Variants in CNIH3 observed in about 807,000 individuals in gnomAD.
The protein encoded by CNIH3 is protein cornichon homolog 3.
CNIH3 carries 14 observed loss-of-function variants against 24.1 expected under a neutral mutation model. The observed-to-expected ratio is 0.58, with a 90% CI of 0.38 to 0.91. The LOEUF (loss-of-function observed/expected upper bound fraction) is 0.91. Ranked by LOEUF, CNIH3 falls within the 40% of genes least tolerant of loss-of-function variation. The pLI is 0.00. For synonymous variants in CNIH3, 68 were observed against 73.8 expected, an observed-to-expected ratio of 0.92 and a Z score of 0.40; for missense variants, 178 against 196.8, an observed-to-expected ratio of 0.90 and a Z score of 0.57.
At chr1:224,530,045 C>G (rs1679003411) in intron 2 of CNIH3, among the ~76,000 whole-genome samples, 1 of 152,164 alleles carries the variant, frequency 6.6e-6, no homozygotes, top group Non-Finnish European at 1.5e-5. Context: ...TTACATCATG[C>G]TGTGGAGGCA....
In CNIH3 at chr1:224,471,374, T is replaced by C. The variant is rs561179954; in HGVS notation, n.203+36512T>C. The stretch of plus-strand genomic sequence containing the variant: ...ATTCATTCTATTTTTTTGTACCCAT[T>C]AACCATCCCCTCTTCCTCCCCACTC... On this transcript the variant is annotated intron_variant and non_coding_transcript_variant, in intron 1 of 5. Coordinates refer to the CNIH3 transcript ENST00000471578. Among the ~76,000 whole-genome samples, 31 of 152,190 alleles carry C rather than the reference T, an allele frequency of 2.0e-4. No individual in the cohort carries two copies. The South Asian group carries it at 6.4e-3, about 32-fold the overall frequency.
chr1:224,620,367 C>T (rs960204362), intron 1 of CNIH3, among the ~76,000 whole-genome samples: 1 of 152,330 alleles, frequency 6.6e-6, no homozygotes, highest in East Asian at 1.9e-4. Flanking sequence ...TGAGCTAGGT[C>T]TGTGAGACTC....
At chr1:224,718,784 T>G (rs1385191903) in intron 3 of CNIH3, among the ~76,000 whole-genome samples, 1 of 152,110 alleles carries the variant, frequency 6.6e-6, no homozygotes, top group Non-Finnish European at 1.5e-5. Context: ...CGTGGCAGTT[T>G]GTCATAGTGA....
At position 224,625,913 on chromosome 1, in the gene CNIH3, C is replaced by T. The variant is rs184734775; in HGVS notation, c.81+8658C>T. Among the ~76,000 whole-genome samples the T allele has an allele frequency of 1.2e-4, 18 of 152,030 alleles. No individual in the cohort carries two copies. The South Asian group carries it at 1.7e-3, about 14-fold the overall frequency. ...ATGTTGATTTTGTGCTTCAAGATAG[C>T]GATCCCACTGCTATCTTGTAATACC... is the stretch of plus-strand genomic sequence containing the variant. On this transcript the variant is annotated intron_variant, in intron 1 of 5. Transcript: ENST00000272133.
intron 2 of CNIH3, among the ~76,000 whole-genome samples, chr1:224,681,583 C>A (rs1377747585): frequency 6.6e-6 from 1 of 152,154 alleles, no homozygotes; most frequent in Non-Finnish European, 1.5e-5. Context: ...TGAAAGGTCA[C>A]CTGCCCCAGC....
intron 1 of CNIH3, among the ~76,000 whole-genome samples, chr1:224,442,111 T>G (rs1271648362): frequency 6.9e-6 from 1 of 145,640 alleles, no homozygotes; most frequent in African/African-American, 2.6e-5. Context: ...CACCTTGAGG[T>G]GGGCTCAAGC....
chr1:224,508,373 C>T (rs183256834), intron 1 of CNIH3, among the ~76,000 whole-genome samples: 8 of 152,278 alleles, frequency 5.3e-5, no homozygotes, highest in African/African-American at 7.2e-5. Context: ...CAGAAATATT[C>T]GGACTAGCAC....
At chr1:224,495,018 A>G (rs1677377182) in intron 1 of CNIH3, among the ~76,000 whole-genome samples, 2 of 152,140 alleles carry the variant, frequency 1.3e-5, no homozygotes, top group Non-Finnish European at 2.9e-5. Context: ...ATACACACAC[A>G]TGTACTCATA....
intron 1 of CNIH3, among the ~76,000 whole-genome samples, chr1:224,506,496 T>A (rs1161444967): frequency 6.6e-6 from 1 of 152,194 alleles, no homozygotes; most frequent in Non-Finnish European, 1.5e-5. Flanking sequence ...CAGTCCCCGC[T>A]GCTCAGTGGA....
intron 3 of CNIH3, among the ~76,000 whole-genome samples, chr1:224,700,330 A>T (rs990653763): frequency 2.0e-5 from 3 of 152,150 alleles, no homozygotes; most frequent in African/African-American, 7.2e-5. Flanking sequence ...CCAAATACTT[A>T]CTGTCCCATT....
At chr1:224,510,163 T>C (rs903553444) in intron 1 of CNIH3, among the ~76,000 whole-genome samples, 3 of 152,126 alleles carry the variant, frequency 2.0e-5, no homozygotes, top group Admixed American at 2.0e-4. Flanking sequence ...GGGAAGTCTA[T>C]GGATGTTCCC....
chr1:224,654,315 G>T (rs1197469429), intron 1 of CNIH3, among the ~76,000 whole-genome samples: 1 of 152,140 alleles, frequency 6.6e-6, no homozygotes, highest in Non-Finnish European at 1.5e-5. Flanking sequence ...CCCGGGGGTG[G>T]AGGTTGCAGT....
downstream of CNIH3, among the ~76,000 whole-genome samples, chr1:224,590,075 C>G (rs1226519875): frequency 5.9e-5 from 9 of 152,110 alleles, no homozygotes; most frequent in Admixed American, 2.6e-4. Flanking sequence ...TGGGGTTTCA[C>G]TATGTTGGCC....
chr1:224,521,711 G>A (rs1388403864), intron 2 of CNIH3, among the ~76,000 whole-genome samples: 1 of 152,198 alleles, frequency 6.6e-6, no homozygotes, highest in African/African-American at 2.4e-5. Context: ...ACACAAAGGG[G>A]TGGTAGAGGG....
chr1:224,659,170 G>T (rs1344847885), intron 1 of CNIH3, among the ~76,000 whole-genome samples: 1 of 152,184 alleles, frequency 6.6e-6, no homozygotes, highest in Non-Finnish European at 1.5e-5. Flanking sequence ...TCTCATGAAA[G>T]CAGTTTGTTT....
At chr1:224,629,380 T>C (rs1265755885) in intron 1 of CNIH3, among the ~76,000 whole-genome samples, 1 of 152,150 alleles carries the variant, frequency 6.6e-6, no homozygotes, top group Non-Finnish European at 1.5e-5. Flanking sequence ...AGTTGCACCC[T>C]GACCACCTTG....
Position 224,739,673 on chromosome 1 carries a change from C to A in CNIH3, c.*317C>A, listed in dbSNP as rs1689776599. The A allele has an allele frequency of 4.5e-6, 2 of 444,978 alleles. No homozygotes were observed. Among genetic ancestry groups the A allele is most frequent in the East Asian group, 8.3e-5 (2 of 24,100 alleles). The allele number at this position is 444,978 out of a possible 1,614,324, so 27.6% of individuals were successfully genotyped here. ...CTCTCCTGAGAGAGAATTGCTGCTT[C>A]CTGAATCCACTTCATTGAACAGCAC... On this transcript the variant is annotated 3_prime_UTR_variant, in exon 6 of 6. Transcript: ENST00000272133.
At chr1:224,535,435 A>G (rs1270369705) in intron 2 of CNIH3, among the ~76,000 whole-genome samples, 8 of 152,228 alleles carry the variant, frequency 5.3e-5, no homozygotes, top group Non-Finnish European at 1.0e-4. Flanking sequence ...AAACCATCCA[A>G]CATATAGTAG....
intron 2 of CNIH3, among the ~76,000 whole-genome samples, chr1:224,522,352 C>G (rs1282130533): frequency 1.3e-5 from 2 of 152,184 alleles, no homozygotes; most frequent in East Asian, 3.8e-4. Context: ...GACAGAGACA[C>G]TGGAAACAGA....
Sources: allele counts gnomAD v4.1 joint callset (sites outside exome capture counted in the v4.1 genomes callset), GRCh38; gene constraint gnomAD v4.1.1; transcripts MANE v1.5; gene names NCBI Gene and HGNC (gene_info 2026-07-23, HGNC 2026-07-21).